MAP4: variants seen among roughly 807,000 people sequenced by gnomAD.
The protein encoded by MAP4 is microtubule-associated protein 4.
In MAP4, 76 loss-of-function variants were observed where a neutral mutation model predicts 170.2. The ratio of observed to expected loss-of-function variants is 0.45; its 90% CI spans 0.37 to 0.54. The LOEUF is 0.54. MAP4 is among the 20% of genes least tolerant of loss of function. MAP4 has a pLI of 0.00. For missense variants in MAP4, 2,506 were observed against 2,748.0 expected (o/e 0.91, Z 1.97); for synonymous variants, 909 against 994.5 (o/e 0.91, Z 1.62).
rs1298305291 is a variant in MAP4, at chr3:47,970,664, A to G, written c.292+7201T>C. ...ATCTGTACTAAAAATACAAAAAATT[A>G]GCTGGGCATGGTGGCGGGCACCTGT... On this transcript the variant is annotated intron_variant, in intron 3 of 20. Coordinates refer to ENST00000683076, the MANE Select transcript of MAP4 (RefSeq NM_001385682.1). Among the ~76,000 whole-genome samples, 6 of 151,902 alleles carry G rather than the reference A, an allele frequency of 3.9e-5. No individual in the cohort carries two copies. The East Asian group carries it at 1.2e-3, about 29-fold the overall frequency.
intron 2 of MAP4, among the ~76,000 whole-genome samples, chr3:47,982,814 ATGTT>A (rs1308584327): frequency 1.3e-5 from 2 of 152,204 alleles, no homozygotes; most frequent in African/African-American, 2.4e-5. Context: ...TTTTTATTGT[ATGTT>A]TGTAACTGCA....
intron 17 of MAP4, among the ~76,000 whole-genome samples, chr3:47,867,031 G>A (rs1298682744): frequency 6.6e-6 from 1 of 152,208 alleles, no homozygotes; most frequent in African/African-American, 2.4e-5. Context: ...AAAAGATACT[G>A]AGTGGATATC....
chr3:48,000,945 C>CCT (rs1397687050), intron 1 of MAP4, among the ~76,000 whole-genome samples: 1 of 152,180 alleles, frequency 6.6e-6, no homozygotes, highest in Non-Finnish European at 1.5e-5. Flanking sequence ...CCCACACACT[C>CCT]CTCTCCTCCC....
chr3:48,001,971 G>C (rs2100099404), intron 1 of MAP4, among the ~76,000 whole-genome samples: 1 of 151,990 alleles, frequency 6.6e-6, no homozygotes, highest in Admixed American at 6.6e-5. Flanking sequence ...CCACCTCCCA[G>C]GTTCATGCGA....
At chr3:48,049,500 G>T (rs560162883) in intron 1 of MAP4, among the ~76,000 whole-genome samples, 11 of 152,100 alleles carry the variant, frequency 7.2e-5, no homozygotes, top group Non-Finnish European at 1.5e-4. Flanking sequence ...CATACCTATA[G>T]ACCCAGCTAC....
chr3:47,879,967 T>C (rs1032429365), intron 10 of MAP4, among the ~76,000 whole-genome samples: 1 of 152,232 alleles, frequency 6.6e-6, no homozygotes, highest in Admixed American at 6.5e-5. Context: ...GCTGTAGGCT[T>C]TCTGTAGACG....
At chr3:47,860,979 T>C (rs1375482705) in intron 17 of MAP4, among the ~76,000 whole-genome samples, 1 of 152,060 alleles carries the variant, frequency 6.6e-6, no homozygotes, top group South Asian at 2.1e-4. Flanking sequence ...TCCCAGCACT[T>C]TGGGAGGGCT....
At chr3:47,871,802 T>A in intron 13 of MAP4, 115 bp downstream of exon 13, 1 of 981,540 alleles carries the variant, frequency 1.0e-6, no homozygotes, top group Non-Finnish European at 1.5e-6. Context: ...TAAGGACCGG[T>A]GCGTAAGCAG....
chr3:47,902,395 G>C (rs1379024896), intron 10 of MAP4, among the ~76,000 whole-genome samples: 1 of 152,100 alleles, frequency 6.6e-6, no homozygotes, highest in African/African-American at 2.4e-5. Context: ...AGCCAGTGGA[G>C]TCAGGCGCAG....
chr3:48,081,866 C>T (rs1350361322), intron 1 of MAP4, among the ~76,000 whole-genome samples: 1 of 151,990 alleles, frequency 6.6e-6, no homozygotes, highest in Non-Finnish European at 1.5e-5. Flanking sequence ...AACCAGGACA[C>T]CTTGGAGAAA....
chr3:48,057,767 A>G (rs899288968), intron 1 of MAP4, among the ~76,000 whole-genome samples: 6 of 152,122 alleles, frequency 3.9e-5, no homozygotes, highest in Non-Finnish European at 7.4e-5. Context: ...TTCAATGTCA[A>G]TACCCTGGTT....
chr3:47,993,804 TTGTC>T (rs879628416), intron 2 of MAP4, among the ~76,000 whole-genome samples: 7 of 152,220 alleles, frequency 4.6e-5, no homozygotes, highest in Non-Finnish European at 7.3e-5. Context: ...TCAAAGCACT[TTGTC>T]TGTTGACTTT....
At chr3:48,065,508 A>C (rs1220455858) in intron 1 of MAP4, among the ~76,000 whole-genome samples, 4 of 151,672 alleles carry the variant, frequency 2.6e-5, no homozygotes, top group Non-Finnish European at 5.9e-5. Flanking sequence ...TCCCAAAGTT[A>C]AGCCTTATAA....
At chr3:47,908,318 A>G (rs2100034212) in intron 9 of MAP4, among the ~76,000 whole-genome samples, 1 of 152,214 alleles carries the variant, frequency 6.6e-6, no homozygotes, top group African/African-American at 2.4e-5. Context: ...GAGTAAAATT[A>G]TGAGGAACAC....
chr3:47,915,063 G>T, intron 7 of MAP4, 124 bp from the exon 8 acceptor site: 3 of 1,127,718 alleles, frequency 2.7e-6, no homozygotes, highest in East Asian at 4.8e-5. Flanking sequence ...CAGCAAAGGA[G>T]TGAAGTGGTA....
intron 6 of MAP4, among the ~76,000 whole-genome samples, chr3:47,917,710 A>C (rs1486117555): frequency 6.6e-6 from 1 of 152,216 alleles, no homozygotes; most frequent in Non-Finnish European, 1.5e-5. Context: ...GTGGAGGAGA[A>C]ATGGCAAAGA....
At chr3:47,982,111 C>G (rs2100085732) in intron 2 of MAP4, among the ~76,000 whole-genome samples, 1 of 152,086 alleles carries the variant, frequency 6.6e-6, no homozygotes, top group African/African-American at 2.4e-5. Flanking sequence ...ACAGTAAAGC[C>G]CATCTCTACT....
rs756153345 is a variant in MAP4, at chr3:48,074,725, T to TGTGTGTGTGTGTGTGTGTGTGG, written c.-20+14047_-20+14048insCCACACACACACACACACACAC. On this transcript the variant is annotated intron_variant, in intron 1 of 18. Transcript: ENST00000360240. ...GTGTGTGTGTGTGTGTGTGTGTGTG[T>TGTGTGTGTGTGTGTGTGTGTGG]GATATGTCGGCCAGACTGGTCTCGA... 4.7e-5 allele frequency among the ~76,000 whole-genome samples: 7 copies of TGTGTGTGTGTGTGTGTGTGTGG among 147,422 alleles called. No homozygotes were observed. In the East Asian group the frequency reaches 1.2e-3, roughly 26 times the overall value.
chr3:48,033,057 C>T (rs5012971), intron 1 of MAP4, among the ~76,000 whole-genome samples: 91,991 of 152,082 alleles, frequency 0.6, 29,084 homozygotes, highest in East Asian at 0.72. Context: ...ATCCAACCTC[C>T]TTATTTTAAA....
Sources: gnomAD v4.1 joint callset for allele counts (sites outside exome capture counted in the v4.1 genomes callset) on GRCh38, gnomAD v4.1.1 for gene constraint, MANE v1.5 for transcripts, NCBI Gene and HGNC (gene_info 2026-07-23, HGNC 2026-07-21) for gene names.